DPP10: variants seen among roughly 807,000 people sequenced by gnomAD.
DPP10 encodes dipeptidyl peptidase like 10.
In DPP10, 33 loss-of-function variants were observed where a neutral mutation model predicts 120.9. That is an observed-to-expected ratio of 0.27 (90% CI 0.21 to 0.37). The LOEUF (loss-of-function observed/expected upper bound fraction) is 0.37, where lower values mean the gene tolerates loss of function less well. DPP10 is among the 10% of genes least tolerant of loss of function. DPP10 has a pLI of 1.00. For synonymous variants in DPP10, 337 were observed against 326.1 expected, an observed-to-expected ratio of 1.03 and a Z score of -0.36; for missense variants, 816 against 942.8, an observed-to-expected ratio of 0.87 and a Z score of 1.76.
At chr2:114,645,183 C>T (rs1373127151) in intron 1 of DPP10, among the ~76,000 whole-genome samples, 1 of 152,142 alleles carries the variant, frequency 6.6e-6, no homozygotes, top group Non-Finnish European at 1.5e-5. Flanking sequence ...TCATTCCTTC[C>T]AGGTGCATTA....
At chr2:114,511,009 G>A (rs1006565126) in intron 1 of DPP10, among the ~76,000 whole-genome samples, 2 of 152,216 alleles carry the variant, frequency 1.3e-5, no homozygotes, top group Non-Finnish European at 2.9e-5. Context: ...ACGCATTCAG[G>A]GATGATGGGT....
intron 3 of DPP10, among the ~76,000 whole-genome samples, chr2:115,459,938 T>TATATATATATATATAGACAC (rs66927327): frequency 7.8e-6 from 1 of 128,504 alleles, no homozygotes; most frequent in South Asian, 2.7e-4. Flanking sequence ...TATATATATA[T>TATATATATATATATAGACAC]ACACACACAC....
At chr2:115,105,869 T>C (rs2048922731) in intron 1 of DPP10, among the ~76,000 whole-genome samples, 1 of 152,252 alleles carries the variant, frequency 6.6e-6, no homozygotes, top group Non-Finnish European at 1.5e-5. Context: ...AGTGATTATA[T>C]TGAAAATCAT....
At chr2:115,675,275 G>A (rs558629538) in intron 5 of DPP10, among the ~76,000 whole-genome samples, 21 of 152,134 alleles carry the variant, frequency 1.4e-4, no homozygotes, top group Non-Finnish European at 2.4e-4. Context: ...AGACTTTGAC[G>A]AATATGACGA....
At chr2:114,896,643 G>A (rs1289704687) in intron 1 of DPP10, among the ~76,000 whole-genome samples, 2 of 152,282 alleles carry the variant, frequency 1.3e-5, no homozygotes, top group South Asian at 2.1e-4. Context: ...GGGCTGAGAT[G>A]ATGGGGTTTT....
At chr2:115,260,146 CTATAT>C (rs566057829) in intron 1 of DPP10, among the ~76,000 whole-genome samples, 124 of 150,306 alleles carry the variant, frequency 8.2e-4, no homozygotes, top group South Asian at 5.2e-3. Flanking sequence ...ATTACACATT[CTATAT>C]TATATTATAT....
At chr2:114,606,667 C>T (rs1665553861) in intron 1 of DPP10, among the ~76,000 whole-genome samples, 1 of 152,138 alleles carries the variant, frequency 6.6e-6, no homozygotes, top group African/African-American at 2.4e-5. Context: ...CTTAATCAGA[C>T]CCCAAAGCCT....
intron 1 of DPP10, among the ~76,000 whole-genome samples, chr2:114,475,739 A>G (rs1218100149): frequency 6.6e-6 from 1 of 152,222 alleles, no homozygotes; most frequent in Non-Finnish European, 1.5e-5. Flanking sequence ...GCAAGGTATC[A>G]CCTAGAAACT....
intron 19 of DPP10, among the ~76,000 whole-genome samples, chr2:115,803,568 A>C (rs1326670396): frequency 1.3e-5 from 2 of 152,118 alleles, no homozygotes; most frequent in African/African-American, 4.8e-5. Context: ...AGTGGCTGGT[A>C]CCGGTTGTTC....
chr2:115,155,097 C>T lies in DPP10; in HGVS notation c.61-154142C>T, dbSNP rs145765003. Among the ~76,000 whole-genome samples, 1,513 of 151,562 alleles carry T rather than the reference C, an allele frequency of 1.0e-2. 25 individuals carry two copies. The highest frequency in any genetic ancestry group is 0.034 in the African/African-American group (1,403 of 41,254). ...TTTTTTTTGGTATTCTTAGTGGAGA[C>T]GGGGTTTCGCCATTTGACCGGCTTG... On this transcript the variant is annotated intron_variant, in intron 1 of 25. Coordinates refer to ENST00000410059, the MANE Select transcript of DPP10 (RefSeq NM_020868.6).
At chr2:114,701,901 A>G (rs1468463830) in intron 1 of DPP10, among the ~76,000 whole-genome samples, 2 of 152,162 alleles carry the variant, frequency 1.3e-5, no homozygotes, top group African/African-American at 4.8e-5. Flanking sequence ...AAATTTAAAT[A>G]ACAAATCAGC....
intron 1 of DPP10, among the ~76,000 whole-genome samples, chr2:115,153,570 G>T (rs1440917552): frequency 6.6e-6 from 1 of 152,140 alleles, no homozygotes; most frequent in Non-Finnish European, 1.5e-5. Context: ...TTTAGAAGTG[G>T]TGTAAATGTT....
At chr2:115,669,522 G>A (rs2149436683) in intron 5 of DPP10, among the ~76,000 whole-genome samples, 1 of 152,196 alleles carries the variant, frequency 6.6e-6, no homozygotes, top group South Asian at 2.1e-4. Context: ...AAGTTCCCAG[G>A]TAGTTCTAGC....
chr2:115,202,471 C>A (rs2055808909), intron 1 of DPP10, among the ~76,000 whole-genome samples: 1 of 152,154 alleles, frequency 6.6e-6, no homozygotes, highest in Non-Finnish European at 1.5e-5. Flanking sequence ...AGAATTTTCT[C>A]TTTTAATTGG....
intron 1 of DPP10, among the ~76,000 whole-genome samples, chr2:114,790,776 ACTT>A (rs1190008167): frequency 2.0e-5 from 3 of 152,084 alleles, no homozygotes; most frequent in African/African-American, 7.2e-5. Context: ...GGCCATTTAT[ACTT>A]CTTTTGTGGT....
At chr2:114,633,546 AC>A (rs1695103688) in intron 1 of DPP10, among the ~76,000 whole-genome samples, 1 of 150,832 alleles carries the variant, frequency 6.6e-6, no homozygotes, top group Non-Finnish European at 1.5e-5. Flanking sequence ...GAGCCACCGC[AC>A]CTGGCCAGCT....
At chr2:115,190,058 G>A (rs1487699555) in intron 1 of DPP10, among the ~76,000 whole-genome samples, 1 of 152,154 alleles carries the variant, frequency 6.6e-6, no homozygotes, top group Non-Finnish European at 1.5e-5. Flanking sequence ...CTAATATCAT[G>A]TCTAAGGCTC....
intron 1 of DPP10, among the ~76,000 whole-genome samples, chr2:114,853,430 C>T (rs543530369): frequency 3.3e-5 from 5 of 152,044 alleles, no homozygotes; most frequent in African/African-American, 1.2e-4. Context: ...TTTTAAAAGG[C>T]TTGAAATCCA....
chr2:114,487,621 T>C (rs1279845947), intron 1 of DPP10, among the ~76,000 whole-genome samples: 3 of 152,172 alleles, frequency 2.0e-5, no homozygotes, highest in Non-Finnish European at 2.9e-5. Context: ...AGGCCTACAG[T>C]GTCTTTAATA....
Sources: allele counts gnomAD v4.1 joint callset (sites outside exome capture counted in the v4.1 genomes callset), GRCh38; gene constraint gnomAD v4.1.1; transcripts MANE v1.5; gene names NCBI Gene and HGNC (gene_info 2026-07-23, HGNC 2026-07-21).